TLE4: variants seen among roughly 807,000 people sequenced by gnomAD.
The protein encoded by TLE4 is TLE family member 4, transcriptional corepressor.
Under a neutral mutation model 92.8 loss-of-function variants are expected in TLE4, and 8 were observed. The observed-to-expected ratio is 0.09, with a 90% confidence interval of 0.05 to 0.16. The LOEUF is 0.16. TLE4 is among the 10% of genes least tolerant of loss of function. TLE4 has a pLI of 1.00. For synonymous variants in TLE4, 371 were observed against 374.1 expected (o/e 0.99, Z 0.10); for missense variants, 675 against 997.6 (o/e 0.68, Z 4.36).
chr9:79,703,058 C>CAA (rs559085657), intron 8 of TLE4, among the ~76,000 whole-genome samples: 17 of 137,700 alleles, frequency 1.2e-4, no homozygotes, highest in African/African-American at 4.3e-4. Context: ...TAAGATAAAG[C>CAA]AAAAAAAAAA....
chr9:79,682,940 C>G (rs892367552), intron 8 of TLE4, among the ~76,000 whole-genome samples: 16 of 152,336 alleles, frequency 1.1e-4, no homozygotes, highest in Non-Finnish European at 2.1e-4. Flanking sequence ...TTCTCCTGCT[C>G]TTACATAGAC....
intron 8 of TLE4, among the ~76,000 whole-genome samples, chr9:79,681,315 C>G (rs1474367760): frequency 6.6e-6 from 1 of 152,084 alleles, no homozygotes; most frequent in African/African-American, 2.4e-5. Flanking sequence ...TCACTATCAG[C>G]CAACTCAGTA....
At chr9:79,686,018 CATTAT>C (rs1441843575) in intron 8 of TLE4, among the ~76,000 whole-genome samples, 1 of 151,990 alleles carries the variant, frequency 6.6e-6, no homozygotes, top group African/African-American at 2.4e-5. Flanking sequence ...ACAGCATGTA[CATTAT>C]ATTATAAATA....
At chr9:79,608,295 A>C (rs529803770) in intron 4 of TLE4, among the ~76,000 whole-genome samples, 1 of 152,060 alleles carries the variant, frequency 6.6e-6, no homozygotes, top group Non-Finnish European at 1.5e-5. Context: ...TTTTTAATCT[A>C]GGGTCAGGCA....
Position 79,725,233 on chromosome 9 carries a change from A to T in TLE4, c.*89A>T. The T allele has an allele frequency of 2.3e-6, 2 of 883,880 alleles. No homozygotes were observed. The highest frequency in any genetic ancestry group is 3.6e-6 in the Non-Finnish European group (2 of 554,202). 54.8% of individuals were successfully genotyped at this position (883,880 alleles called of 1,614,324 possible). On this transcript the variant is annotated 3_prime_UTR_variant, in exon 20 of 20. Coordinates refer to ENST00000376552, the MANE Select transcript of TLE4 (RefSeq NM_007005.6). ...GTTCACCCCCATCCCCGCATCTAAAACCAAGGATTTCAGATACTCATTGCA... is the reference window on the plus strand; with the variant it reads ...GTTCACCCCCATCCCCGCATCTAAATCCAAGGATTTCAGATACTCATTGCA...
intron 5 of TLE4, among the ~76,000 whole-genome samples, chr9:79,619,436 G>C (rs147620750): frequency 2.4e-3 from 362 of 152,272 alleles, no homozygotes; most frequent in African/African-American, 8.4e-3. Context: ...TTGTGCCTTC[G>C]GGAGGAAATG....
intron 8 of TLE4, among the ~76,000 whole-genome samples, chr9:79,664,786 G>C (rs1345163555): frequency 6.6e-6 from 1 of 152,004 alleles, no homozygotes; most frequent in Admixed American, 6.5e-5. Context: ...ACTGTGTTCA[G>C]TTCCTCCTGT....
chr9:79,600,747 C>G (rs1373878366), intron 4 of TLE4, among the ~76,000 whole-genome samples: 1 of 152,146 alleles, frequency 6.6e-6, no homozygotes, highest in African/African-American at 2.4e-5. Flanking sequence ...CATGGCTCCC[C>G]AAGCCTGGCT....
chr9:79,712,486 T>TA (rs2073567261), intron 14 of TLE4, among the ~76,000 whole-genome samples: 2 of 152,250 alleles, frequency 1.3e-5, no homozygotes, highest in Admixed American at 6.5e-5. Flanking sequence ...GAAAATAAAA[T>TA]AAAAAATCAC....
chr9:79,584,741 G>A (rs1302833780), intron 4 of TLE4, among the ~76,000 whole-genome samples: 2 of 152,208 alleles, frequency 1.3e-5, no homozygotes, highest in Non-Finnish European at 2.9e-5. Flanking sequence ...TTAGGTCTGT[G>A]TTGTCTACTA....
chr9:79,596,466 T>C (rs1284643055), intron 4 of TLE4, among the ~76,000 whole-genome samples: 1 of 152,190 alleles, frequency 6.6e-6, no homozygotes, highest in Non-Finnish European at 1.5e-5. Flanking sequence ...GCTAGGCCTG[T>C]GAGCTCACTC....
At chr9:79,588,163 T>TGTGTGTGTGTGTGTGTGTGTG (rs1554691196) in intron 4 of TLE4, among the ~76,000 whole-genome samples, 8 of 151,690 alleles carry the variant, frequency 5.3e-5, no homozygotes, top group East Asian at 1.9e-4. Context: ...TGTGTGTGTG[T>TGTGTGTGTGTGTGTGTGTGTG]TTTGAGATAG....
chr9:79,694,526 G>A (rs2135612241), intron 8 of TLE4, among the ~76,000 whole-genome samples: 1 of 152,168 alleles, frequency 6.6e-6, no homozygotes, highest in East Asian at 1.9e-4. Context: ...AACTGAAATT[G>A]TATCTCTTAA....
intron 6 of TLE4, among the ~76,000 whole-genome samples, chr9:79,629,267 T>TA (rs2053560118): frequency 6.6e-6 from 1 of 152,098 alleles, no homozygotes; most frequent in Non-Finnish European, 1.5e-5. Flanking sequence ...TTAAGCTAAA[T>TA]AAAAAACACT....
intron 4 of TLE4, among the ~76,000 whole-genome samples, chr9:79,583,380 C>G (rs1197530244): frequency 1.3e-5 from 2 of 152,172 alleles, no homozygotes; most frequent in Non-Finnish European, 2.9e-5. Flanking sequence ...GCACTGTCAT[C>G]TCTTTTGAGG....
At chr9:79,650,003 C>A in intron 6 of TLE4, 2 of 633,042 alleles carry the variant, frequency 3.2e-6, no homozygotes, top group Non-Finnish European at 4.6e-6. Context: ...GCAGCCATGA[C>A]CTCCCTGGCT....
chr9:79,629,500 A>G (rs1224127916), intron 6 of TLE4, among the ~76,000 whole-genome samples: 3 of 152,220 alleles, frequency 2.0e-5, no homozygotes, highest in Admixed American at 6.5e-5. Flanking sequence ...TTTAATTATT[A>G]AAATAAAGCT....
intron 8 of TLE4, among the ~76,000 whole-genome samples, chr9:79,680,004 G>C (rs1320355223): frequency 6.6e-6 from 1 of 151,840 alleles, no homozygotes; most frequent in Non-Finnish European, 1.5e-5. Flanking sequence ...GTACCATGCT[G>C]TTTTGGTTAC....
At chr9:79,682,484 A>T (rs188983793) in intron 8 of TLE4, among the ~76,000 whole-genome samples, 4 of 152,148 alleles carry the variant, frequency 2.6e-5, no homozygotes, top group Admixed American at 2.6e-4. Context: ...AAAGAGGCAA[A>T]GCGGTCAAAA....
Sources: gnomAD v4.1 joint callset for allele counts (sites outside exome capture counted in the v4.1 genomes callset) on GRCh38, gnomAD v4.1.1 for gene constraint, MANE v1.5 for transcripts, NCBI Gene and HGNC (gene_info 2026-07-23, HGNC 2026-07-21) for gene names.